PDZD2: variants seen among roughly 807,000 people sequenced by gnomAD.
PDZD2 encodes the protein PDZ domain containing 2.
A neutral mutation model predicts 220.7 loss-of-function variants in PDZD2; 90 were observed. The observed-to-expected ratio is 0.41, with a 90% CI of 0.34 to 0.49. The LOEUF is 0.49. PDZD2 is among the 20% of genes least tolerant of loss of function. The pLI is 0.28. For synonymous variants in PDZD2, 1,375 were observed against 1,450.5 expected, an observed-to-expected ratio of 0.95 and a Z score of 1.18; for missense variants, 3,174 against 3,608.5, an observed-to-expected ratio of 0.88 and a Z score of 3.08.
At chr5:32,085,854 GTT>G (rs34367845) in intron 19 of PDZD2, among the ~76,000 whole-genome samples, 12,392 of 147,022 alleles carry the variant, frequency 0.084, 648 homozygotes, top group East Asian at 0.24. Flanking sequence ...TTTTACAACT[GTT>G]TTTTTTTTTT....
At chr5:31,732,348 G>T (rs556591946) in intron 1 of PDZD2, among the ~76,000 whole-genome samples, 2 of 152,150 alleles carry the variant, frequency 1.3e-5, no homozygotes, top group South Asian at 4.1e-4. Flanking sequence ...TCATCTCTTT[G>T]TCCTATCCAT....
At chr5:31,747,477 T>G (rs946096583) in intron 1 of PDZD2, among the ~76,000 whole-genome samples, 4 of 152,186 alleles carry the variant, frequency 2.6e-5, no homozygotes, top group African/African-American at 9.7e-5. Flanking sequence ...CTGCTTCTGC[T>G]GTTTTTTCAG....
chr5:31,802,868 C>T (rs1306050146), intron 2 of PDZD2, among the ~76,000 whole-genome samples: 14 of 137,144 alleles, frequency 1.0e-4, no homozygotes, highest in Admixed American at 4.9e-4. Context: ...TGCAGTGAGC[C>T]GAGATTGCGC....
intron 2 of PDZD2, among the ~76,000 whole-genome samples, chr5:31,835,820 C>T (rs143266826): frequency 6.6e-6 from 1 of 152,114 alleles, no homozygotes; most frequent in South Asian, 2.1e-4. Flanking sequence ...TAGCACAGCA[C>T]CTAACACCTA....
chr5:31,823,768 A>G (rs1222168193), intron 2 of PDZD2, among the ~76,000 whole-genome samples: 1 of 152,172 alleles, frequency 6.6e-6, no homozygotes, highest in African/African-American at 2.4e-5. Flanking sequence ...GATAAGATAG[A>G]TTACAGGAAA....
chr5:31,922,437 T>C (rs1379520342), intron 2 of PDZD2, among the ~76,000 whole-genome samples: 3 of 152,180 alleles, frequency 2.0e-5, no homozygotes, highest in African/African-American at 7.2e-5. Flanking sequence ...TTAGTAAGCT[T>C]AAGGGTCTGT....
intron 2 of PDZD2, among the ~76,000 whole-genome samples, chr5:31,816,302 A>G (rs1755454653): frequency 6.6e-6 from 1 of 150,912 alleles, no homozygotes. Flanking sequence ...AAAAAAAAAA[A>G]GATGACTGGG....
chr5:31,772,915 C>A (rs1297258108), intron 1 of PDZD2, among the ~76,000 whole-genome samples: 1 of 152,198 alleles, frequency 6.6e-6, no homozygotes, highest in Non-Finnish European at 1.5e-5. Context: ...GGTATAGACA[C>A]ACGTGTTGCT....
At chr5:31,693,475 C>T (rs1425714878) in intron 1 of PDZD2, among the ~76,000 whole-genome samples, 3 of 152,010 alleles carry the variant, frequency 2.0e-5, no homozygotes, top group African/African-American at 4.8e-5. Flanking sequence ...CTCCTGACCT[C>T]GTGATCTGCC....
intron 1 of PDZD2, among the ~76,000 whole-genome samples, chr5:31,757,487 G>A (rs1751363581): frequency 6.6e-6 from 1 of 152,068 alleles, no homozygotes; most frequent in Non-Finnish European, 1.5e-5. Context: ...AGCTACTCAA[G>A]AGGCTGAGGC....
At chr5:31,892,177 T>C (rs145115931) in intron 2 of PDZD2, among the ~76,000 whole-genome samples, 74 of 152,258 alleles carry the variant, frequency 4.9e-4, no homozygotes, top group African/African-American at 1.7e-3. Context: ...CCCAAAGTGC[T>C]GGGATTACAG....
chr5:31,983,358 CCAA>C lies in PDZD2; in HGVS notation c.684_686del (p.Asn228del), dbSNP rs755328207. On this transcript the variant is annotated inframe_deletion, in exon 3 of 25. Transcript: ENST00000438447. ...TTTGGGGTCATCTCCAGGCCTCCTG[CCAA>C]CAAGGCCCCTGAAGAATCCAAGGGC... The C allele has an allele frequency of 3.7e-6, 6 of 1,614,076 alleles. No individual in the cohort carries two copies. The highest frequency in any genetic ancestry group is 4.2e-6 in the Non-Finnish European group (5 of 1,180,028).
chr5:31,929,970 ATGCGAGGTCAGGTTG>A lies in PDZD2; in HGVS notation c.477-53181_477-53167del, dbSNP rs542626768. Among the ~76,000 whole-genome samples the A allele has an allele frequency of 3.9e-3, 594 of 152,068 alleles. 2 individuals carry two copies. Among genetic ancestry groups the A allele is most frequent in the African/African-American group, 0.014 (573 of 41,494 alleles). On this transcript the variant is annotated intron_variant, in intron 2 of 24. Transcript: ENST00000438447. ...TGATAAGTGAGTTCTTGCTTAGTTAATGCGAGGTCAGGTTGTGCAAAGGTCTGGGACCTCTCCCCT... is the reference window on the plus strand; with the variant it reads ...TGATAAGTGAGTTCTTGCTTAGTTAATGCAAAGGTCTGGGACCTCTCCCCT...
At chr5:31,897,512 G>A (rs1383859677) in intron 2 of PDZD2, among the ~76,000 whole-genome samples, 3 of 152,186 alleles carry the variant, frequency 2.0e-5, no homozygotes, top group Non-Finnish European at 2.9e-5. Context: ...GGCCGAAGTT[G>A]CACTTGAGAT....
chr5:31,915,893 T>G (rs112149893), intron 2 of PDZD2, among the ~76,000 whole-genome samples: 5 of 152,270 alleles, frequency 3.3e-5, no homozygotes, highest in African/African-American at 1.2e-4. Flanking sequence ...AATCTTTTAT[T>G]GGGAGCCTTT....
chr5:31,814,287 A>G (rs566425699), intron 2 of PDZD2, among the ~76,000 whole-genome samples: 6 of 152,326 alleles, frequency 3.9e-5, no homozygotes, highest in African/African-American at 1.4e-4. Context: ...AAAAGAGTCA[A>G]ACTTTGTAAA....
chr5:31,883,938 C>T (rs528263607), intron 2 of PDZD2, among the ~76,000 whole-genome samples: 34 of 152,122 alleles, frequency 2.2e-4, no homozygotes, highest in Admixed American at 9.2e-4. Context: ...TAAGGCCGGG[C>T]GCGGTGGCTC....
intron 14 of PDZD2, among the ~76,000 whole-genome samples, chr5:32,063,082 T>C (rs1739845206): frequency 1.4e-5 from 2 of 142,940 alleles, no homozygotes; most frequent in Non-Finnish European, 3.1e-5. Flanking sequence ...TCTAGCTCTA[T>C]AGCCCGGGCT....
At chr5:32,084,497 C>T (rs1742259040) in intron 19 of PDZD2, among the ~76,000 whole-genome samples, 1 of 152,182 alleles carries the variant, frequency 6.6e-6, no homozygotes, top group East Asian at 1.9e-4. Flanking sequence ...ATTGGAAAAC[C>T]TCTTAGCACA....
Sources: allele counts gnomAD v4.1 joint callset (sites outside exome capture counted in the v4.1 genomes callset), GRCh38; gene constraint gnomAD v4.1.1; transcripts MANE v1.5; gene names NCBI Gene and HGNC (gene_info 2026-07-23, HGNC 2026-07-21).